RUNX1: variants seen among roughly 807,000 people sequenced by gnomAD.
RUNX1 encodes the protein runt-related transcription factor 1.
RUNX1 carries 19 observed loss-of-function variants against 42.8 expected under a neutral mutation model. The observed-to-expected ratio is 0.44, with a 90% confidence interval of 0.31 to 0.65. The LOEUF (loss-of-function observed/expected upper bound fraction) is 0.65, where lower values mean the gene tolerates loss of function less well. Ranked by LOEUF, RUNX1 falls within the 30% of genes least tolerant of loss-of-function variation. The pLI, the probability that RUNX1 is intolerant of heterozygous loss-of-function variation, is 0.07. For missense variants in RUNX1, 528 were observed against 672.0 expected (o/e 0.79, Z 2.37); for synonymous variants, 271 against 289.4 (o/e 0.94, Z 0.64).
At chr21:35,007,803 C>T (rs1024056779) in intron 2 of RUNX1, among the ~76,000 whole-genome samples, 3 of 152,102 alleles carry the variant, frequency 2.0e-5, no homozygotes, top group Non-Finnish European at 4.4e-5. Context: ...GCTTACTTAT[C>T]TTCCTATTAC....
chr21:34,961,598 G>A (rs1439827079), intron 2 of RUNX1, among the ~76,000 whole-genome samples: 1 of 152,074 alleles, frequency 6.6e-6, no homozygotes, highest in Admixed American at 6.5e-5. Flanking sequence ...GTATTAGCAG[G>A]ACAGAGGAAA....
intron 5 of RUNX1, among the ~76,000 whole-genome samples, chr21:34,862,938 G>A (rs974623465): frequency 1.3e-5 from 2 of 152,038 alleles, no homozygotes; most frequent in East Asian, 1.9e-4. Context: ...CTACCACCAC[G>A]CTATCCACGA....
At chr21:34,874,749 T>C (rs2057790546) in intron 5 of RUNX1, among the ~76,000 whole-genome samples, 1 of 151,348 alleles carries the variant, frequency 6.6e-6, no homozygotes, top group Non-Finnish European at 1.5e-5. Flanking sequence ...CACCCTCTCT[T>C]GCCCCTTGCC....
chr21:34,859,105 A>C (rs1318242595), intron 6 of RUNX1, among the ~76,000 whole-genome samples: 1 of 152,046 alleles, frequency 6.6e-6, no homozygotes, highest in Non-Finnish European at 1.5e-5. Flanking sequence ...TGACCCTCAG[A>C]CCTCTTTGGG....
At chr21:34,945,179 C>T (rs535012563) in intron 2 of RUNX1, among the ~76,000 whole-genome samples, 1 of 152,198 alleles carries the variant, frequency 6.6e-6, no homozygotes, top group Non-Finnish European at 1.5e-5. Context: ...CAGATATGAA[C>T]TATAGTATGC....
At chr21:34,888,087 A>T in intron 3 of RUNX1, 1 of 1,066,354 alleles carries the variant, frequency 9.4e-7, no homozygotes, top group Non-Finnish European at 1.1e-6. Context: ...AGAGTCACAC[A>T]CATGCAAACA....
intron 7 of RUNX1, among the ~76,000 whole-genome samples, chr21:34,800,137 A>G (rs2056588454): frequency 6.6e-6 from 1 of 152,218 alleles, no homozygotes; most frequent in Non-Finnish European, 1.5e-5. Context: ...AACTTTTAAA[A>G]GTCAGAGTTT....
intron 2 of RUNX1, among the ~76,000 whole-genome samples, chr21:35,019,197 C>A (rs2059180754): frequency 6.6e-6 from 1 of 152,222 alleles, no homozygotes; most frequent in Admixed American, 6.5e-5. Context: ...TCAACCACAC[C>A]TGGCACTTCC....
At chr21:34,889,707 C>T in intron 3 of RUNX1, 4 of 1,187,238 alleles carry the variant, frequency 3.4e-6, no homozygotes, top group Non-Finnish European at 4.2e-6. Context: ...GCCGCTTCCC[C>T]CTGCGCCGGT....
At chr21:34,899,007 G>A (rs2058153761) in intron 2 of RUNX1, among the ~76,000 whole-genome samples, 1 of 152,140 alleles carries the variant, frequency 6.6e-6, no homozygotes, top group South Asian at 2.1e-4. Flanking sequence ...TCCACCTCCT[G>A]GGTTCAAGTG....
chr21:34,968,123 C>T (rs2146735234), intron 2 of RUNX1, among the ~76,000 whole-genome samples: 2 of 152,314 alleles, frequency 1.3e-5, no homozygotes, highest in South Asian at 4.1e-4. Flanking sequence ...TTGTTTAGAT[C>T]CAGGACTGCA....
At chr21:34,909,212 C>T (rs899766435) in intron 2 of RUNX1, among the ~76,000 whole-genome samples, 1 of 152,088 alleles carries the variant, frequency 6.6e-6, no homozygotes, top group Non-Finnish European at 1.5e-5. Flanking sequence ...GTGCAGTCCC[C>T]ATGCTCCTGA....
chr21:35,042,959 T>C (rs186191640), intron 2 of RUNX1, among the ~76,000 whole-genome samples: 1 of 152,302 alleles, frequency 6.6e-6, no homozygotes, highest in East Asian at 1.9e-4. Flanking sequence ...CTCAGTGTTA[T>C]TGCAAGATGA....
intron 2 of RUNX1, among the ~76,000 whole-genome samples, chr21:34,996,564 T>C (rs2058998191): frequency 6.6e-6 from 1 of 152,044 alleles, no homozygotes; most frequent in Non-Finnish European, 1.5e-5. Context: ...ATCTTTGGCC[T>C]AAAAAGCAGA....
intron 5 of RUNX1, among the ~76,000 whole-genome samples, chr21:34,876,644 C>A (rs1293087987): frequency 6.6e-6 from 1 of 152,014 alleles, no homozygotes; most frequent in Non-Finnish European, 1.5e-5. Flanking sequence ...GATTAAAAAT[C>A]ATATTCTAAG....
intron 2 of RUNX1, among the ~76,000 whole-genome samples, chr21:35,047,329 C>G (rs2059403078): frequency 6.6e-6 from 1 of 151,986 alleles, no homozygotes; most frequent in Non-Finnish European, 1.5e-5. Context: ...TGGCCGGTGT[C>G]TCTGTGTTAC....
chr21:34,955,717 T>C (rs1461110022), intron 2 of RUNX1, among the ~76,000 whole-genome samples: 1 of 152,228 alleles, frequency 6.6e-6, no homozygotes, highest in East Asian at 1.9e-4. Context: ...AATGCGTTAA[T>C]GAGCATATAA....
chr21:34,867,239 A>G (rs2057675128), intron 5 of RUNX1, among the ~76,000 whole-genome samples: 1 of 151,946 alleles, frequency 6.6e-6, no homozygotes. Context: ...GCTACCAAAA[A>G]TATAAAAAAT....
rs564649336 is a variant in RUNX1, at chr21:34,890,724, T to C, written c.97+2201A>G. Among the ~76,000 whole-genome samples the C allele has an allele frequency of 3.6e-5, 5 of 140,268 alleles. No homozygotes were observed. In the South Asian group the frequency reaches 9.7e-4, roughly 27 times the overall value. 92.0% of individuals were successfully genotyped at this position (140,268 alleles called of 152,430 possible). A position where few individuals can be genotyped will look rare whatever the true frequency, so the allele number is the denominator to read the frequency against. On this transcript the variant is annotated intron_variant, in intron 3 of 8. Coordinates refer to ENST00000675419, the MANE Select transcript of RUNX1 (RefSeq NM_001754.5). Reference sequence around the variant, plus strand: ...TTTTAAGCCTAATTCCAGTTGTAAATCCCCCCCTCCCCCCGCCCAAACGTC... The same window carrying C: ...TTTTAAGCCTAATTCCAGTTGTAAACCCCCCCCTCCCCCCGCCCAAACGTC...
Sources: allele counts gnomAD v4.1 joint callset (sites outside exome capture counted in the v4.1 genomes callset), GRCh38; gene constraint gnomAD v4.1.1; transcripts MANE v1.5; gene names NCBI Gene and HGNC (gene_info 2026-07-23, HGNC 2026-07-21).